TDRD12: variants seen among roughly 807,000 people sequenced by gnomAD.
TDRD12 encodes putative ATP-dependent RNA helicase TDRD12.
In TDRD12, 158 loss-of-function variants were observed where a neutral mutation model predicts 133.5. That is an observed-to-expected ratio of 1.18 (90% CI 1.04 to 1.35). The LOEUF is 1.35. Ranked by LOEUF, TDRD12 falls within the 40% of genes most tolerant of loss-of-function variation. The pLI is 0.00. For missense variants in TDRD12, 1,443 were observed against 1,321.3 expected (o/e 1.09, Z -1.43); for synonymous variants, 460 against 477.9 (o/e 0.96, Z 0.49).
In TDRD12 at chr19:32,790,081, C is replaced by T. The variant is rs552738641; in HGVS notation, c.1122-450C>T. On this transcript the variant is annotated intron_variant, in intron 11 of 27. Transcript: ENST00000444215. The stretch of plus-strand genomic sequence containing the variant: ...GAGCGCAGTTTGCCATGTGTGTAAC[C>T]CACCATCTTTATCCTGGAGTCCCCG... 8.9e-4 allele frequency among the ~76,000 whole-genome samples: 135 copies of T among 152,226 alleles called. 1 individual carries two copies. The highest frequency in any genetic ancestry group is 3.0e-3 in the African/African-American group (126 of 41,556).
exon 22 of TDRD12, chr19:32,807,569 A>T (rs1301416319): frequency 6.5e-7 from 1 of 1,534,804 alleles, no homozygotes; most frequent in Non-Finnish European, 8.7e-7. Flanking sequence ...ATCTGTCCTG[A>T]CCGACACCGT....
intron 8 of TDRD12, 56 bp downstream of exon 8, chr19:32,757,186 CT>C: frequency 1.4e-6 from 2 of 1,385,290 alleles, no homozygotes; most frequent in African/African-American, 1.4e-5. Context: ...ATATTCTTAG[CT>C]TTTTAAAGAT....
At chr19:32,792,966 G>A (rs545428515) in intron 13 of TDRD12, among the ~76,000 whole-genome samples, 2 of 152,244 alleles carry the variant, frequency 1.3e-5, no homozygotes, top group Admixed American at 1.3e-4. Context: ...GGCGCAGATT[G>A]CCTGAGCTCA....
At chr19:32,734,665 G>T (rs1005289101) in intron 2 of TDRD12, among the ~76,000 whole-genome samples, 1 of 152,024 alleles carries the variant, frequency 6.6e-6, no homozygotes, top group East Asian at 1.9e-4. Context: ...GAATCACTGC[G>T]CCTGGCCCTT....
chr19:32,769,471 G>A (rs939703103), intron 8 of TDRD12, among the ~76,000 whole-genome samples: 2 of 152,166 alleles, frequency 1.3e-5, no homozygotes, highest in African/African-American at 4.8e-5. Context: ...AGTCTCATGG[G>A]AATCTAGGAG....
chr19:32,791,347 G>A (rs1416900827), intron 13 of TDRD12, among the ~76,000 whole-genome samples: 1 of 152,168 alleles, frequency 6.6e-6, no homozygotes, highest in Non-Finnish European at 1.5e-5. Flanking sequence ...CAGGATGCCT[G>A]TGGACAGGGC....
At chr19:32,759,583 C>T (rs955682780) in intron 8 of TDRD12, among the ~76,000 whole-genome samples, 1 of 152,048 alleles carries the variant, frequency 6.6e-6, no homozygotes, top group African/African-American at 2.4e-5. Context: ...TGTGCCACTG[C>T]ACTCCAGCCT....
intron 8 of TDRD12, among the ~76,000 whole-genome samples, chr19:32,765,787 T>C (rs572517883): frequency 3.3e-5 from 5 of 151,922 alleles, no homozygotes; most frequent in South Asian, 2.1e-4. Flanking sequence ...ATACCTAATG[T>C]TAAATGACAA....
chr19:32,729,778 CTTTTTTTT>C (rs1162347194), intron 1 of TDRD12, among the ~76,000 whole-genome samples: 21 of 73,672 alleles, frequency 2.9e-4, no homozygotes, highest in South Asian at 1.1e-3. Flanking sequence ...TTTTCTTTTT[CTTTTTTTT>C]TTTTTTTTTT....
In TDRD12 at chr19:32,806,191, C is replaced by T. The variant is rs147176379; in HGVS notation, c.2553-1358C>T. On this transcript the variant is annotated intron_variant, in intron 21 of 27. Transcript: ENST00000444215. ...CCAGACGCAACACCACTGCGTGATA[C>T]ACAGACAGCTGAGGCTGGGGCATGG... Among the ~76,000 whole-genome samples the T allele has an allele frequency of 1.2e-4, 19 of 152,310 alleles. No homozygotes were observed. In the East Asian group the frequency reaches 3.5e-3, roughly 28 times the overall value.
At chr19:32,822,073 A>G (rs1450787075), downstream of TDRD12, among the ~76,000 whole-genome samples, 1 of 152,182 alleles carries the variant, frequency 6.6e-6, no homozygotes, top group Non-Finnish European at 1.5e-5. Flanking sequence ...GTGAGCCAAG[A>G]TCACACCACT....
intron 6 of TDRD12, among the ~76,000 whole-genome samples, chr19:32,751,873 T>C (rs911193820): frequency 6.6e-6 from 1 of 151,848 alleles, no homozygotes; most frequent in African/African-American, 2.4e-5. Flanking sequence ...ATTTTTATTA[T>C]TTATTTATTT....
chr19:32,721,630 T>A (rs1222019899), intron 1 of TDRD12, among the ~76,000 whole-genome samples: 1 of 152,148 alleles, frequency 6.6e-6, no homozygotes, highest in Non-Finnish European at 1.5e-5. Context: ...TCCACCTGCC[T>A]CCGCCTCCCA....
intron 13 of TDRD12, among the ~76,000 whole-genome samples, chr19:32,791,724 C>A (rs977870281): frequency 5.3e-5 from 8 of 152,012 alleles, no homozygotes; most frequent in African/African-American, 1.9e-4. Context: ...GTTGGAGGCT[C>A]TTTTTGGAGA....
chr19:32,781,712 T>G (rs1257689852), intron 11 of TDRD12, among the ~76,000 whole-genome samples: 2 of 151,946 alleles, frequency 1.3e-5, no homozygotes, highest in South Asian at 4.2e-4. Flanking sequence ...TCTCTCTCTC[T>G]GGAAGCTTAT....
intron 10 of TDRD12, among the ~76,000 whole-genome samples, chr19:32,776,312 T>C (rs1279969449): frequency 1.3e-5 from 2 of 152,176 alleles, no homozygotes; most frequent in Non-Finnish European, 2.9e-5. Flanking sequence ...ACAGCTCCCA[T>C]CTCCCAGTTC....
chr19:32,744,610 C>CT (rs1206978032), intron 4 of TDRD12, among the ~76,000 whole-genome samples: 1 of 151,934 alleles, frequency 6.6e-6, no homozygotes, highest in Non-Finnish European at 1.5e-5. Context: ...TCTTTGCTCC[C>CT]TTTTTCTAGT....
chr19:32,769,683 C>T (rs1399782805), intron 8 of TDRD12, among the ~76,000 whole-genome samples: 1 of 151,820 alleles, frequency 6.6e-6, no homozygotes, highest in Non-Finnish European at 1.5e-5. Context: ...ATTGCCCAGG[C>T]TAGAGTGCAA....
intron 4 of TDRD12, among the ~76,000 whole-genome samples, chr19:32,744,542 A>G (rs982013284): frequency 6.6e-6 from 1 of 151,294 alleles, no homozygotes; most frequent in Admixed American, 6.6e-5. Context: ...ATATAGATAA[A>G]TCTGTATAAA....
Sources: allele counts gnomAD v4.1 joint callset (sites outside exome capture counted in the v4.1 genomes callset), GRCh38; gene constraint gnomAD v4.1.1; transcripts MANE v1.5; gene names NCBI Gene and HGNC (gene_info 2026-07-23, HGNC 2026-07-21).